MYO5B: variants seen among roughly 807,000 people sequenced by gnomAD.
The protein encoded by MYO5B is myosin VB, also known as unconventional myosin-Vb.
A neutral mutation model predicts 229.3 loss-of-function variants in MYO5B; 143 were observed. The observed-to-expected ratio is 0.62, with a 90% CI of 0.54 to 0.72. The LOEUF (loss-of-function observed/expected upper bound fraction) is 0.72. Ranked by LOEUF, MYO5B falls within the 30% of genes least tolerant of loss-of-function variation. MYO5B has a pLI of 0.00. For synonymous variants in MYO5B, 918 were observed against 885.2 expected, an observed-to-expected ratio of 1.04 and a Z score of -0.66; for missense variants, 2,321 against 2,331.0, an observed-to-expected ratio of 1.00 and a Z score of 0.09.
At chr18:49,829,423 T>G (rs547733224) in intron 39 of MYO5B, among the ~76,000 whole-genome samples, 7 of 152,124 alleles carry the variant, frequency 4.6e-5, no homozygotes, top group African/African-American at 1.7e-4. Context: ...AATAGAAAAT[T>G]TGAATAGACC....
At chr18:49,827,258 C>A (rs1185708341) in intron 39 of MYO5B, among the ~76,000 whole-genome samples, 4 of 152,256 alleles carry the variant, frequency 2.6e-5, no homozygotes, top group African/African-American at 9.6e-5. Context: ...CAGCTACTAT[C>A]CCCCTCTCTT....
intron 4 of MYO5B, among the ~76,000 whole-genome samples, chr18:50,007,551 C>A (rs1164872760): frequency 1.3e-5 from 2 of 152,220 alleles, no homozygotes; most frequent in Admixed American, 6.5e-5. Context: ...CCCACATCTA[C>A]TGTGTTCAAG....
chr18:50,109,265 C>T (rs72919803), intron 1 of MYO5B, among the ~76,000 whole-genome samples: 1 of 151,744 alleles, frequency 6.6e-6, no homozygotes, highest in East Asian at 1.9e-4. Context: ...GAATTTGTTA[C>T]GGGACCAGCA....
intron 26 of MYO5B, among the ~76,000 whole-genome samples, chr18:49,874,288 A>G (rs956557492): frequency 6.6e-6 from 1 of 152,234 alleles, no homozygotes; most frequent in Non-Finnish European, 1.5e-5. Context: ...AGATTCCAAA[A>G]TTAGCTGGCA....
intron 1 of MYO5B, among the ~76,000 whole-genome samples, chr18:50,127,496 AGAG>A (rs2032184044): frequency 6.6e-6 from 1 of 152,312 alleles, no homozygotes; most frequent in Middle Eastern, 3.4e-3. Context: ...CACACCTGGT[AGAG>A]GAGGTAAGGA....
chr18:50,089,235 G>A (rs564065881), intron 1 of MYO5B, among the ~76,000 whole-genome samples: 32 of 152,078 alleles, frequency 2.1e-4, no homozygotes, highest in African/African-American at 7.2e-4. Context: ...AAAATTAGCC[G>A]GAAGTGGTGG....
intron 1 of MYO5B, among the ~76,000 whole-genome samples, chr18:50,083,670 C>A (rs2031268260): frequency 6.6e-6 from 1 of 152,202 alleles, no homozygotes; most frequent in African/African-American, 2.4e-5. Flanking sequence ...AACTTTAATT[C>A]AGAGCCTCAG....
chr18:49,856,763 A>G (rs201063747), intron 30 of MYO5B, 50 bp downstream of exon 30: 4 of 1,471,764 alleles, frequency 2.7e-6, no homozygotes, highest in Non-Finnish European at 3.8e-6. Flanking sequence ...CATAGACATG[A>G]GCAGGCCCAA....
intron 22 of MYO5B, among the ~76,000 whole-genome samples, chr18:49,883,822 A>G (rs2024615050): frequency 6.6e-6 from 1 of 152,230 alleles, no homozygotes; most frequent in Non-Finnish European, 1.5e-5. Context: ...TTGACAGTCA[A>G]TTGATTTTTG....
At chr18:50,097,596 C>A (rs1053125035) in intron 1 of MYO5B, 3 of 216,908 alleles carry the variant, frequency 1.4e-5, no homozygotes, top group Non-Finnish European at 2.8e-5. Flanking sequence ...CATCACTCTG[C>A]AGCAGCAGCA....
chr18:50,065,373 G>C (rs529968208), intron 1 of MYO5B, among the ~76,000 whole-genome samples: 1 of 152,310 alleles, frequency 6.6e-6, no homozygotes, highest in South Asian at 2.1e-4. Context: ...ACTTATAAGG[G>C]AAAGAGGTTT....
At position 50,040,335 on chromosome 18, in the gene MYO5B, G is replaced by A. The variant is rs1258179019; in HGVS notation, c.139-21C>T. 1.9e-6 allele frequency: 3 copies of A among 1,612,356 alleles called. No individual in the cohort carries two copies. The African/African-American group carries it at 4.0e-5, about 22-fold the overall frequency. Reference sequence around the variant, plus strand: ...AGAATCTAAAGACATGCAAGTAGCAGACACAAAAAGGTGGTTATGAAGCGT... The same window carrying A: ...AGAATCTAAAGACATGCAAGTAGCAAACACAAAAAGGTGGTTATGAAGCGT... On this transcript the variant is annotated intron_variant, in intron 2 of 39. Coordinates refer to ENST00000285039, the MANE Select transcript of MYO5B (RefSeq NM_001080467.3).
chr18:50,109,482 G>A (rs1437236088), intron 1 of MYO5B, among the ~76,000 whole-genome samples: 1 of 151,080 alleles, frequency 6.6e-6, no homozygotes, highest in Non-Finnish European at 1.5e-5. Context: ...CTGGAGTGCA[G>A]TGGCGTGATC....
intron 14 of MYO5B, among the ~76,000 whole-genome samples, chr18:49,948,197 A>T (rs979044025): frequency 1.3e-5 from 2 of 152,270 alleles, no homozygotes; most frequent in African/African-American, 4.8e-5. Flanking sequence ...AAGACATAGT[A>T]TAAGAACAGT....
intron 9 of MYO5B, among the ~76,000 whole-genome samples, chr18:49,975,552 CA>C (rs1330019719): frequency 3.3e-5 from 5 of 152,118 alleles, no homozygotes; most frequent in Middle Eastern, 3.2e-3. Context: ...CCCCAAGAAG[CA>C]AGCGTTTTAA....
chr18:50,014,863 T>C (rs1355653667), intron 4 of MYO5B, among the ~76,000 whole-genome samples: 8 of 152,168 alleles, frequency 5.3e-5, no homozygotes, highest in Admixed American at 5.2e-4. Context: ...TGTAACTAAG[T>C]GTAAGAAAAG....
chr18:49,997,758 C>T lies in MYO5B; in HGVS notation c.612+3497G>A, dbSNP rs151045349. On this transcript the variant is annotated intron_variant, in intron 5 of 39. Transcript: ENST00000285039. ...AGTCGCCTTTAATTCCAACAACTGC[C>T]ACTTAGCATAGACCACTGGGATTTC... Among the ~76,000 whole-genome samples the T allele has an allele frequency of 3.9e-5, 6 of 152,238 alleles. No individual in the cohort carries two copies. In the East Asian group the frequency reaches 1.2e-3, roughly 29 times the overall value.
chr18:50,079,041 T>C (rs2031153295), intron 1 of MYO5B, among the ~76,000 whole-genome samples: 1 of 152,226 alleles, frequency 6.6e-6, no homozygotes, highest in Non-Finnish European at 1.5e-5. Context: ...ACAATGGTGT[T>C]AGAAGTCAGG....
chr18:49,892,926 AT>A (rs1411030694), intron 22 of MYO5B, among the ~76,000 whole-genome samples: 1 of 152,052 alleles, frequency 6.6e-6, no homozygotes, highest in African/African-American at 2.4e-5. Context: ...AGCGTCCTTA[AT>A]TTTTTGTTAC....
Sources: allele counts gnomAD v4.1 joint callset (sites outside exome capture counted in the v4.1 genomes callset), GRCh38; gene constraint gnomAD v4.1.1; transcripts MANE v1.5; gene names NCBI Gene and HGNC (gene_info 2026-07-23, HGNC 2026-07-21).